SLC10A1: variants seen among roughly 807,000 people sequenced by gnomAD.
SLC10A1 encodes solute carrier family 10 member 1, also known as hepatic sodium/bile acid cotransporter.
Under a neutral mutation model 20.5 loss-of-function variants are expected in SLC10A1, and 36 were observed. The observed-to-expected ratio is 1.75, with a 90% CI of 1.34 to 2.32. The LOEUF (loss-of-function observed/expected upper bound fraction) is 2.32, where lower values mean the gene tolerates loss of function less well. Ranked by LOEUF, SLC10A1 falls within the 30% of genes most tolerant of loss-of-function variation. The pLI is 0.00. For synonymous variants in SLC10A1, 188 were observed against 163.6 expected (o/e 1.15, Z -1.14); for missense variants, 545 against 439.1 (o/e 1.24, Z -2.16).
intron 1 of SLC10A1, among the ~76,000 whole-genome samples, chr14:69,792,346 G>C (rs8011311): frequency 0.37 from 55,489 of 151,966 alleles, 12,069 homozygotes; most frequent in African/African-American, 0.6. Context: ...AATAACTTTA[G>C]AAATTAATTT....
chr14:69,785,764 A>ATT (rs35730433), intron 2 of SLC10A1, among the ~76,000 whole-genome samples: 148 of 135,832 alleles, frequency 1.1e-3, no homozygotes, highest in Non-Finnish European at 1.4e-3. Flanking sequence ...TGCCCGGCTA[A>ATT]TTTTTTTTTT....
intron 1 of SLC10A1, among the ~76,000 whole-genome samples, chr14:69,790,433 AAAT>A (rs1383738491): frequency 2.6e-5 from 4 of 152,164 alleles, no homozygotes; most frequent in African/African-American, 7.2e-5. Flanking sequence ...ATAGAAACAA[AAAT>A]AATAAAATAT....
chr14:69,790,764 T>C (rs1359214781), intron 1 of SLC10A1, among the ~76,000 whole-genome samples: 3 of 152,044 alleles, frequency 2.0e-5, no homozygotes, highest in Non-Finnish European at 4.4e-5. Context: ...TTATAAATTA[T>C]ACTATATATA....
intron 1 of SLC10A1, among the ~76,000 whole-genome samples, chr14:69,791,353 T>C (rs1025114869): frequency 2.0e-5 from 3 of 151,382 alleles, no homozygotes; most frequent in African/African-American, 7.3e-5. Context: ...CAGGTTGGAG[T>C]GCAGTGGTGT....
chr14:69,776,316 T>C lies in SLC10A1; in HGVS notation c.1016A>G (p.Tyr339Cys). 1.9e-6 allele frequency: 3 copies of C among 1,613,688 alleles called. No homozygotes were observed. The highest frequency in any genetic ancestry group is 2.5e-6 in the Non-Finnish European group (3 of 1,180,002). Residue 339 changes from tyrosine to cysteine, a missense_variant, in exon 5 of 5, where the codon TAC becomes TGC. Transcript: ENST00000216540. ...TIPGALGNGT[Y>C]KGEDCSPCTA ...GCAAGGGGAGCAGTCCTCCCCTTTG[T>C]AGGTGCCATTTCCCAGAGCTCCTGG...
chr14:69,786,098 TTGA>T lies in SLC10A1; in HGVS notation c.563_565del (p.Ile188del). The T allele has an allele frequency of 6.2e-7, 1 of 1,613,940 alleles. No homozygotes were observed. Among genetic ancestry groups the T allele is most frequent in the Non-Finnish European group, 8.5e-7 (1 of 1,179,798 alleles). On this transcript the variant is annotated inframe_deletion and splice_region_variant, in exon 2 of 5. Coordinates refer to ENST00000216540, the MANE Select transcript of SLC10A1 (RefSeq NM_003049.4). ...TTGTCAAGCCTCCCAGGTTCTTACC[TTGA>T]TGACATAGCGCATGTATTGTGGCCG...
chr14:69,775,500 A>C lies in SLC10A1; in HGVS notation c.*782T>G, dbSNP rs1303256904. 6.6e-6 allele frequency: 1 copy of C among 152,210 alleles called. No homozygotes were observed. The allele number at this position is 152,210 out of a possible 1,614,324, so 9.4% of individuals were successfully genotyped here. On this transcript the variant is annotated 3_prime_UTR_variant, in exon 5 of 5. Coordinates refer to ENST00000216540, the MANE Select transcript of SLC10A1 (RefSeq NM_003049.4). Reference sequence around the variant, plus strand: ...TTTGAACATTTTTCTTTGAATTGGGAAACGACTCATTTTGGCAGTAGTTTG... The same window carrying C: ...TTTGAACATTTTTCTTTGAATTGGGCAACGACTCATTTTGGCAGTAGTTTG...
chr14:69,792,108 T>G (rs1256253248), intron 1 of SLC10A1, among the ~76,000 whole-genome samples: 1 of 152,092 alleles, frequency 6.6e-6, no homozygotes, highest in Non-Finnish European at 1.5e-5. Flanking sequence ...CACATCACCA[T>G]GCCCAGCTAA....
chr14:69,789,859 GGAA>G (rs1566638113), intron 1 of SLC10A1, among the ~76,000 whole-genome samples: 1 of 149,218 alleles, frequency 6.7e-6, no homozygotes, highest in East Asian at 1.9e-4. Flanking sequence ...AAAAAGAAAA[GGAA>G]GAAATTTTTT....
rs201764278 is a variant in SLC10A1 at position 69,796,874 on chromosome 14, C to A, written c.282G>T (p.Leu94Phe). ...RLKNIEALAILVCGCSPGGNL... is the reference protein window; with the variant it reads ...RLKNIEALAIFVCGCSPGGNL... ...TCCCTCCAGGTGAGCAGCCACAGAC[C>A]AAGATGGCCAGTGCCTCAATGTTCT... Residue 94 changes from leucine to phenylalanine, a missense_variant, in exon 1 of 5, where the codon TTG becomes TTT. Coordinates refer to ENST00000216540, the MANE Select transcript of SLC10A1 (RefSeq NM_003049.4). The A allele has an allele frequency of 6.2e-7, 1 of 1,614,192 alleles. No individual in the cohort carries two copies. The highest frequency in any genetic ancestry group is 8.5e-7 in the Non-Finnish European group (1 of 1,180,030).
chr14:69,777,578 G>GTTTTTTTTTTT (rs4646293), intron 4 of SLC10A1, among the ~76,000 whole-genome samples: 5 of 72,442 alleles, frequency 6.9e-5, no homozygotes, highest in African/African-American at 2.1e-4. Flanking sequence ...TGAATGTCCT[G>GTTTTTTTTTTT]TTTTTTTTTT....
At chr14:69,781,316 C>G (rs948245598) in intron 2 of SLC10A1, among the ~76,000 whole-genome samples, 1 of 152,220 alleles carries the variant, frequency 6.6e-6, no homozygotes, top group Non-Finnish European at 1.5e-5. Flanking sequence ...TAGGCTACCA[C>G]ATTTTGTACC....
In SLC10A1 at chr14:69,778,486, G is replaced by A. The variant is rs776615277; in HGVS notation, c.790C>T (p.Gln264Ter). The change falls in exon 4 of 5, where the codon CAA (glutamine) becomes TAA (stop). Residue 264 changes from glutamine (Q) to a stop codon, truncating the protein, a stop_gained. Coordinates refer to ENST00000216540, the MANE Select transcript of SLC10A1 (RefSeq NM_003049.4). LOFTEE classifies it high-confidence loss of function. Reference protein sequence around the residue: ...VSMETGCQNVQLCSTILNVAF... With the variant: ...VSMETGCQNV The stretch of plus-strand genomic sequence containing the variant: ...ACATTGAGGATGGTGGAACAGAGTT[G>A]GACATTTTGGCATCCAGTCTCCATG... The A allele has an allele frequency of 1.2e-6, 2 of 1,612,560 alleles. No homozygotes were observed. Among genetic ancestry groups the A allele is most frequent in the Non-Finnish European group, 1.7e-6 (2 of 1,179,494 alleles).
intron 2 of SLC10A1, among the ~76,000 whole-genome samples, chr14:69,783,753 C>T (rs1311094887): frequency 6.6e-6 from 1 of 152,038 alleles, no homozygotes; most frequent in Non-Finnish European, 1.5e-5. Flanking sequence ...ATGAGAAGGC[C>T]ATTTGAGTTG....
At chr14:69,780,097 CCTA>C (rs1883555023) in intron 2 of SLC10A1, among the ~76,000 whole-genome samples, 2 of 152,158 alleles carry the variant, frequency 1.3e-5, no homozygotes, top group African/African-American at 2.4e-5. Context: ...AGGGGACAAA[CCTA>C]CTTTCTTGAG....
At chr14:69,781,771 G>GC (rs1405622301) in intron 2 of SLC10A1, among the ~76,000 whole-genome samples, 1 of 152,194 alleles carries the variant, frequency 6.6e-6, no homozygotes, top group Admixed American at 6.5e-5. Flanking sequence ...ATAAACCCTT[G>GC]CATGGGTAAG....
At position 69,779,318 on chromosome 14, in the gene SLC10A1, CTG is replaced by C. The variant is rs755991705; in HGVS notation, c.608_609del (p.Thr203SerfsTer74). 1.9e-5 allele frequency: 30 copies of C among 1,613,896 alleles called. No individual in the cohort carries two copies. The highest frequency in any genetic ancestry group is 3.3e-4 in the Middle Eastern group (2 of 6,082). The stretch of plus-strand genomic sequence containing the variant: ...TTCCCCACATTGATGGCAGAGAGAA[CTG>C]TGACGGCCACACTGCACAAGAGAAT... ...IIILLCSVAV[T>X]VLSAINVGKS... On this transcript the variant is annotated frameshift_variant, in exon 3 of 5. Coordinates refer to ENST00000216540, the MANE Select transcript of SLC10A1 (RefSeq NM_003049.4). LOFTEE classifies it high-confidence loss of function.
rs1480674097 is a variant in SLC10A1 at position 69,781,114 on chromosome 14, G to A, written c.568-1754C>T. Among the ~76,000 whole-genome samples, 3 of 152,302 alleles carry A rather than the reference G, an allele frequency of 2.0e-5. No homozygotes were observed. In the East Asian group the frequency reaches 5.8e-4, roughly 29 times the overall value. ...AGCTCTGGGGAGTCACTCAACCTGA[G>A]TGAGGTTGACGGCATAGGACCTGGC... On this transcript the variant is annotated intron_variant, in intron 2 of 4. Transcript: ENST00000216540.
intron 4 of SLC10A1, among the ~76,000 whole-genome samples, chr14:69,777,598 TTTTTTTTA>T (rs1357682522): frequency 4.5e-4 from 44 of 97,146 alleles, no homozygotes; most frequent in South Asian, 3.4e-3. Flanking sequence ...TTTTTTTTTT[TTTTTTTTA>T]AAATTGGTGT....
Sources: allele counts gnomAD v4.1 joint callset (sites outside exome capture counted in the v4.1 genomes callset), GRCh38; gene constraint gnomAD v4.1.1; transcripts MANE v1.5; gene names NCBI Gene and HGNC (gene_info 2026-07-23, HGNC 2026-07-21).